Variants in ECM1 observed in about 807,000 individuals in gnomAD.
ECM1 encodes the protein secretory component p85.
ECM1 carries 54 observed loss-of-function variants against 57.9 expected under a neutral mutation model. The observed-to-expected ratio is 0.93, with a 90% CI of 0.75 to 1.17. The LOEUF (loss-of-function observed/expected upper bound fraction) is 1.17. Among genes scored for constraint, ECM1 ranks in the 50% most tolerant of loss-of-function variants. The pLI, the probability that ECM1 is intolerant of heterozygous loss-of-function variation, is 0.00. For missense variants in ECM1, 649 were observed against 688.1 expected, an observed-to-expected ratio of 0.94 and a Z score of 0.64; for synonymous variants, 237 against 259.1, an observed-to-expected ratio of 0.91 and a Z score of 0.82.
rs1392778886 is a variant in ECM1, at chr1:150,510,007, G to A, written c.304+5G>A. 1.2e-6 allele frequency: 2 copies of A among 1,614,094 alleles called. No individual in the cohort carries two copies. The highest frequency in any genetic ancestry group is 1.1e-5 in the South Asian group (1 of 91,070). On this transcript the variant is annotated splice_donor_5th_base_variant and intron_variant, in intron 4 of 9. Coordinates refer to ENST00000369047, the MANE Select transcript of ECM1 (RefSeq NM_004425.4). ...AACTCCCTGCTGAAAAGGAAGGTGA[G>A]CGCTTGCCCACCCTCCCTCACCTCT...
intron 1 of ECM1, chr1:150,509,204 A>C (rs898287286): frequency 4.5e-6 from 2 of 445,980 alleles, no homozygotes; most frequent in Admixed American, 3.4e-5. Context: ...TGGGGAGGAC[A>C]ACCCACAGCC....
At position 150,512,766 on chromosome 1, in the gene ECM1, G is replaced by A; in HGVS notation, c.1346G>A (p.Cys449Tyr). Residue 449 changes from cysteine (C) to tyrosine (Y), a missense_variant, in exon 9 of 10, where the codon TGC becomes TAC. Coordinates refer to ENST00000369047, the MANE Select transcript of ECM1 (RefSeq NM_004425.4). ...PGLIHNMTAR[C>Y]CDLPFPEQAC... ...CTGATCCACAACATGACTGCCCGCT[G>A]CTGTGACCTGCCATTTCCAGAACAG... 6.2e-7 allele frequency: 1 copy of A among 1,614,162 alleles called. No individual in the cohort carries two copies. Among genetic ancestry groups the A allele is most frequent in the Non-Finnish European group, 8.5e-7 (1 of 1,180,028 alleles).
rs1226146883 is a variant in ECM1, at chr1:150,510,867, C to T, written c.386-9C>T. 1.9e-6 allele frequency: 3 copies of T among 1,613,876 alleles called. No individual in the cohort carries two copies. The highest frequency in any genetic ancestry group is 3.3e-5 in the Admixed American group (2 of 60,022). On this transcript the variant is annotated splice_polypyrimidine_tract_variant and intron_variant, in intron 5 of 9. Transcript: ENST00000369047. The stretch of plus-strand genomic sequence containing the variant: ...ATGTCCCCGCTTCCCACTGTTTTCC[C>T]CATTCCAGGAACGCCAGCTCCATTT...
In ECM1 at chr1:150,513,297, C is replaced by T; in HGVS notation, c.1453C>T (p.Leu485Phe). 1 of 1,614,262 alleles carries T rather than the reference C, an allele frequency of 6.2e-7. No homozygotes were observed. Among genetic ancestry groups the T allele is most frequent in the Non-Finnish European group, 8.5e-7 (1 of 1,180,046 alleles). The part of the protein sequence containing the change: ...PRRNIWRDPA[L>F]CCYLSPGDEQ... ...ACGTAACATCTGGCGAGACCCTGCCCTCTGCTGTTACCTGAGTCCTGGGGA... is the reference window on the plus strand; with the variant it reads ...ACGTAACATCTGGCGAGACCCTGCCTTCTGCTGTTACCTGAGTCCTGGGGA... Residue 485 changes from leucine to phenylalanine, a missense_variant, in exon 10 of 10, where the codon CTC becomes TTC. By Grantham distance (22) the Leu-to-Phe change is conservative. Coordinates refer to ENST00000369047, the MANE Select transcript of ECM1 (RefSeq NM_004425.4).
In ECM1 at chr1:150,509,946, C is replaced by A. The variant is rs1050271401; in HGVS notation, c.248C>A (p.Ala83Asp). ...GTGCAGCCCCCTCCCTCTCAGGAGG[C>A]CACCCCTCTCCAACAGGAAAAGCTG... ...SQVQPPPSQE[A>D]TPLQQEKLLP... Residue 83 changes from alanine (A) to aspartate (D), a missense_variant, in exon 4 of 10, where the codon GCC (alanine) becomes GAC (aspartate). Physicochemically the swap from Ala to Asp is moderately radical, Grantham distance 126. Transcript: ENST00000369047. 1 of 1,614,168 alleles carries A rather than the reference C, an allele frequency of 6.2e-7. No homozygotes were observed. Among genetic ancestry groups the A allele is most frequent in the African/African-American group, 1.3e-5 (1 of 75,040 alleles).
chr1:150,511,282 G>A, intron 6 of ECM1, 84 bp downstream of exon 6: 1 of 1,597,770 alleles, frequency 6.3e-7, no homozygotes, highest in Non-Finnish European at 8.6e-7. Context: ...CTAGGCCTGG[G>A]TCTGGAGGAA....
At chr1:150,509,795 C>T (rs1351360739) in intron 3 of ECM1, 33 bp downstream of exon 3, 1 of 1,613,722 alleles carries the variant, frequency 6.2e-7, no homozygotes, top group Admixed American at 1.7e-5. Context: ...TCCTCAGTGA[C>T]CCTCCAGGTT....
rs774345858 is a variant in ECM1 at position 150,511,165 on chromosome 1, C to A, written c.675C>A (p.Ser225Arg). ...ATTCCCGCTGCTGCCACTGCCGCAG[C>A]CACACAAACCGCCTAGAGTGTGCCA... ...IGYSRCCHCR[S>R]HTNRLECAKL... The change falls in exon 6 of 10, where the codon AGC (serine) becomes AGA (arginine). Residue 225 changes from serine to arginine, a missense_variant. Transcript: ENST00000369047. 1 of 1,614,118 alleles carries A rather than the reference C, an allele frequency of 6.2e-7. No individual in the cohort carries two copies. The highest frequency in any genetic ancestry group is 1.3e-5 in the African/African-American group (1 of 74,938).
rs1318026741 is a variant in ECM1, at chr1:150,513,599, T to C, written c.*132T>C. 13 of 921,076 alleles carry C rather than the reference T, an allele frequency of 1.4e-5. No homozygotes were observed. The highest frequency in any genetic ancestry group is 1.9e-5 in the Non-Finnish European group (12 of 617,202). The allele number at this position is 921,076 out of a possible 1,614,324, so 57.1% of individuals were successfully genotyped here. A position where few individuals can be genotyped will look rare whatever the true frequency, so the allele number is the denominator to read the frequency against. ...TATCTAATGTCTCACCCGCAGTGTTTTAAGTGGATCTTGGTGCCCTGGCCC... is the reference window on the plus strand; with the variant it reads ...TATCTAATGTCTCACCCGCAGTGTTCTAAGTGGATCTTGGTGCCCTGGCCC... On this transcript the variant is annotated 3_prime_UTR_variant, in exon 10 of 10. Transcript: ENST00000369047.
At chr1:150,512,650 C>A (rs1670476268) in intron 8 of ECM1, 75 bp from the exon 9 acceptor site, 1 of 1,610,522 alleles carries the variant, frequency 6.2e-7, no homozygotes, top group Non-Finnish European at 8.5e-7. Flanking sequence ...AAAGCAAAAT[C>A]ATGATATCCC....
intron 1 of ECM1, among the ~76,000 whole-genome samples, chr1:150,508,661 G>A (rs780243675): frequency 6.6e-6 from 1 of 152,024 alleles, no homozygotes. Flanking sequence ...AGCAAGCCTC[G>A]ACTGACTCCC....
chr1:150,513,574 T>A lies in ECM1; in HGVS notation c.*107T>A. On this transcript the variant is annotated 3_prime_UTR_variant, in exon 10 of 10. Transcript: ENST00000369047. The stretch of plus-strand genomic sequence containing the variant: ...TCTTGGATTTGGTGTCCTCATTGTC[T>A]ATCTAATGTCTCACCCGCAGTGTTT... The A allele has an allele frequency of 9.2e-7, 1 of 1,092,618 alleles. No homozygotes were observed. The highest frequency in any genetic ancestry group is 1.3e-6 in the Non-Finnish European group (1 of 762,026). The allele number at this position is 1,092,618 out of a possible 1,614,324, so 67.7% of individuals were successfully genotyped here. A position where few individuals can be genotyped will look rare whatever the true frequency, so the allele number is the denominator to read the frequency against.
At chr1:150,508,911 C>G (rs1670351482) in intron 1 of ECM1, among the ~76,000 whole-genome samples, 1 of 152,188 alleles carries the variant, frequency 6.6e-6, no homozygotes, top group South Asian at 2.1e-4. Context: ...CATCATTCTT[C>G]CCAGCTCCTG....
At chr1:150,508,414 G>T in intron 1 of ECM1, 135 bp downstream of exon 1, 1 of 898,196 alleles carries the variant, frequency 1.1e-6, no homozygotes, top group East Asian at 2.5e-5. Context: ...GGCCCAAAGT[G>T]GGCCTAGGCC....
Position 150,508,930 on chromosome 1 carries a change from T to C in ECM1, c.71-601T>C, listed in dbSNP as rs183902011. On this transcript the variant is annotated intron_variant, in intron 1 of 9. Transcript: ENST00000369047. The stretch of plus-strand genomic sequence containing the variant: ...ATTCTTCCCAGCTCCTGGTCTTTTG[T>C]GTCTGCAGATCACCTACAAGTGACC... 3.9e-5 allele frequency among the ~76,000 whole-genome samples: 6 copies of C among 152,296 alleles called. No homozygotes were observed. In the East Asian group the frequency reaches 1.2e-3, roughly 29 times the overall value.
At chr1:150,513,182 T>C in intron 9 of ECM1, 55 bp from the exon 10 acceptor site, 1 of 1,568,812 alleles carries the variant, frequency 6.4e-7, no homozygotes. Context: ...TATCTACATC[T>C]GTCCTTGGAC....
Position 150,510,126 on chromosome 1 carries a change from C to T in ECM1, c.329C>T (p.Ala110Val). The change falls in exon 5 of 10, where the codon GCT (alanine) becomes GTT (valine). Residue 110 changes from alanine to valine, a missense_variant. Coordinates refer to ENST00000369047, the MANE Select transcript of ECM1 (RefSeq NM_004425.4). Reference protein sequence around the residue: ...KEVGPPLPQEAVPLQKELPSL... With the variant: ...KEVGPPLPQEVVPLQKELPSL... ...GTGGGTCCCCCTCTCCCTCAGGAAG[C>T]TGTCCCCCTCCAAAAAGAGCTGCCC... 6.2e-7 allele frequency: 1 copy of T among 1,614,152 alleles called. No homozygotes were observed. Among genetic ancestry groups the T allele is most frequent in the Non-Finnish European group, 8.5e-7 (1 of 1,179,988 alleles).
At position 150,510,935 on chromosome 1, in the gene ECM1, C is replaced by T; in HGVS notation, c.445C>T (p.Gln149Ter). 1 of 1,614,188 alleles carries T rather than the reference C, an allele frequency of 6.2e-7. No homozygotes were observed. Among genetic ancestry groups the T allele is most frequent in the Non-Finnish European group, 8.5e-7 (1 of 1,180,044 alleles). Residue 149 changes from glutamine to a stop codon, truncating the protein, a stop_gained, in exon 6 of 10, where the codon CAG (glutamine) becomes TAG (stop). Transcript: ENST00000369047. LOFTEE classifies it high-confidence loss of function. ...HPEPESWNAA[Q>*]HCQQDRSQGG... is the part of the protein sequence containing the mutation. The stretch of plus-strand genomic sequence containing the variant: ...AGAACCTGAGTCCTGGAATGCAGCC[C>T]AGCACTGCCAACAGGACCGGTCCCA...
intron 5 of ECM1, 83 bp downstream of exon 5, chr1:150,510,265 G>A (rs1670402856): frequency 7.9e-7 from 1 of 1,272,074 alleles, no homozygotes; most frequent in Non-Finnish European, 1.2e-6. Context: ...ACAAGACGGT[G>A]GGCTCTGCCA....
Sources: gnomAD v4.1 joint callset for allele counts (sites outside exome capture counted in the v4.1 genomes callset) on GRCh38, gnomAD v4.1.1 for gene constraint, MANE v1.5 for transcripts, NCBI Gene and HGNC (gene_info 2026-07-23, HGNC 2026-07-21) for gene names.